The following ZBTB20 variants were observed in gnomAD, a reference collection of about 807,000 sequenced individuals.
ZBTB20 encodes the protein zinc finger and BTB domain containing 20.
In ZBTB20, 9 loss-of-function variants were observed where a neutral mutation model predicts 56.9. The observed-to-expected ratio is 0.16, with a 90% CI of 0.10 to 0.28. The LOEUF (loss-of-function observed/expected upper bound fraction) is 0.28, where lower values mean the gene tolerates loss of function less well. Among genes scored for constraint, ZBTB20 ranks in the 10% least tolerant of loss-of-function variants. The pLI, the probability that ZBTB20 is intolerant of heterozygous loss-of-function variation, is 1.00. For missense variants in ZBTB20, 655 were observed against 1,003.0 expected (o/e 0.65, Z 4.69); for synonymous variants, 417 against 420.7 (o/e 0.99, Z 0.11).
At chr3:114,873,198 T>A (rs907538042) in intron 4 of ZBTB20, 1 of 152,080 alleles carries the variant, frequency 6.6e-6, no homozygotes, top group Non-Finnish European at 1.5e-5. Context: ...CGAGGCCAGG[T>A]ATCTTGTCTC....
intron 1 of ZBTB20, among the ~76,000 whole-genome samples, chr3:115,128,742 AAGGGG>A (rs1160961641): frequency 2.9e-5 from 2 of 68,700 alleles, no homozygotes; most frequent in South Asian, 5.7e-4. Context: ...GAGGGGAGGG[AAGGGG>A]AGGGGAGGGG....
chr3:114,540,994 C>G (rs1424575316), intron 6 of ZBTB20, among the ~76,000 whole-genome samples: 1 of 151,932 alleles, frequency 6.6e-6, no homozygotes, highest in Non-Finnish European at 1.5e-5. Flanking sequence ...TCCTGAGATT[C>G]TTGTTACCTG....
intron 3 of ZBTB20, among the ~76,000 whole-genome samples, chr3:114,905,118 C>G (rs959138238): frequency 1.3e-5 from 2 of 151,780 alleles, no homozygotes; most frequent in Admixed American, 1.3e-4. Flanking sequence ...TCCTATAATC[C>G]ACACTTCACA....
chr3:114,882,094 A>C (rs2076420895), intron 4 of ZBTB20, among the ~76,000 whole-genome samples: 1 of 151,970 alleles, frequency 6.6e-6, no homozygotes, highest in Admixed American at 6.5e-5. Flanking sequence ...CAAAGAGGCT[A>C]TACAAACCAA....
intron 6 of ZBTB20, among the ~76,000 whole-genome samples, chr3:114,521,535 T>C (rs1172263293): frequency 6.6e-6 from 1 of 152,192 alleles, no homozygotes; most frequent in Non-Finnish European, 1.5e-5. Context: ...GTTTTTCACA[T>C]TTCTACCTCT....
At chr3:115,086,655 G>C (rs968953935) in intron 1 of ZBTB20, among the ~76,000 whole-genome samples, 1 of 151,790 alleles carries the variant, frequency 6.6e-6, no homozygotes, top group Non-Finnish European at 1.5e-5. Context: ...CAGGCTATGG[G>C]TGTGTTTATA....
intron 5 of ZBTB20, among the ~76,000 whole-genome samples, chr3:114,770,491 C>A (rs1471656010): frequency 6.6e-6 from 1 of 151,440 alleles, no homozygotes; most frequent in Non-Finnish European, 1.5e-5. Flanking sequence ...CAAATACCAC[C>A]TGTACCCCAA....
At chr3:114,638,965 G>A (rs1055408072) in intron 6 of ZBTB20, among the ~76,000 whole-genome samples, 1 of 152,004 alleles carries the variant, frequency 6.6e-6, no homozygotes, top group Admixed American at 6.6e-5. Context: ...AGGAACCAGC[G>A]TTTGTCAAAT....
At chr3:114,344,391 A>G (rs1472550403) in intron 11 of ZBTB20, among the ~76,000 whole-genome samples, 1 of 152,212 alleles carries the variant, frequency 6.6e-6, no homozygotes, top group African/African-American at 2.4e-5. Context: ...GTAGCACCTG[A>G]GAGTATAATA....
rs1451414473 is a variant in ZBTB20, at chr3:114,868,429, C to T, written c.-417+31875G>A. On this transcript the variant is annotated intron_variant, in intron 4 of 11. Coordinates refer to ENST00000675478, the MANE Select transcript of ZBTB20 (RefSeq NM_001348800.3). ...CCTGTGTAACTGGAGGTTCATGTAG[C>T]ACACTGATTTTACCCAAAGCATCAA... 2.0e-5 allele frequency among the ~76,000 whole-genome samples: 3 copies of T among 152,264 alleles called. No individual in the cohort carries two copies. The East Asian group carries it at 5.8e-4, about 29-fold the overall frequency.
intron 6 of ZBTB20, among the ~76,000 whole-genome samples, chr3:114,565,881 C>A (rs2052664224): frequency 6.6e-6 from 1 of 152,152 alleles, no homozygotes; most frequent in Admixed American, 6.6e-5. Flanking sequence ...GTAAGGGAAA[C>A]ACCTGCCCTC....
chr3:114,586,110 G>A (rs569796044), intron 6 of ZBTB20, among the ~76,000 whole-genome samples: 2 of 152,322 alleles, frequency 1.3e-5, no homozygotes, highest in Admixed American at 6.5e-5. Flanking sequence ...CAAGCACTTA[G>A]AGGATTTCTG....
Position 114,838,960 on chromosome 3 carries a change from G to A in ZBTB20, c.-416-37786C>T, listed in dbSNP as rs2074248194. On this transcript the variant is annotated intron_variant, in intron 4 of 11. Transcript: ENST00000675478. ...ATTTAAAGAAGCCATTCCAAAAGCA[G>A]GAACAGCACCCCTATAAGATGTTAT... 2.0e-5 allele frequency among the ~76,000 whole-genome samples: 3 copies of A among 152,020 alleles called. No homozygotes were observed. In the South Asian group the frequency reaches 6.2e-4, roughly 32 times the overall value.
At chr3:114,366,190 T>C (rs990860226) in intron 10 of ZBTB20, among the ~76,000 whole-genome samples, 8 of 152,352 alleles carry the variant, frequency 5.3e-5, no homozygotes, top group Admixed American at 5.2e-4. Flanking sequence ...AGTACGCTGC[T>C]AGAATTTTAC....
At chr3:114,484,083 G>A (rs534847879) in intron 7 of ZBTB20, among the ~76,000 whole-genome samples, 1 of 152,274 alleles carries the variant, frequency 6.6e-6, no homozygotes, top group East Asian at 1.9e-4. Flanking sequence ...ATGTGAGGAC[G>A]TTGCAGCCTT....
Position 114,942,762 on chromosome 3 carries a change from T to C in ZBTB20, c.-456+31604A>G, listed in dbSNP as rs1246398125. ...TAAGCCCTATGTTGTTTATTACTTTTCAAATTCAAGGCATTTGCTGTTTCC... is the reference window on the plus strand; with the variant it reads ...TAAGCCCTATGTTGTTTATTACTTTCCAAATTCAAGGCATTTGCTGTTTCC... On this transcript the variant is annotated intron_variant, in intron 3 of 11. Coordinates refer to ENST00000675478, the MANE Select transcript of ZBTB20 (RefSeq NM_001348800.3). 3.4e-5 allele frequency among the ~76,000 whole-genome samples: 5 copies of C among 145,922 alleles called. 2 individuals are homozygous for C. Among genetic ancestry groups the C allele is most frequent in the African/African-American group, 1.4e-4 (5 of 35,872 alleles).
chr3:114,685,109 A>T (rs1488590779), intron 6 of ZBTB20, among the ~76,000 whole-genome samples: 1 of 151,902 alleles, frequency 6.6e-6, no homozygotes, highest in African/African-American at 2.4e-5. Flanking sequence ...TCATTTCCTA[A>T]CAACCCCCAT....
chr3:115,078,065 C>T (rs939532129), intron 1 of ZBTB20, among the ~76,000 whole-genome samples: 10 of 152,102 alleles, frequency 6.6e-5, no homozygotes, highest in Non-Finnish European at 1.3e-4. Context: ...AGTGAAATAA[C>T]TAGTGAGTTT....
At chr3:114,797,411 C>T (rs149525921) in intron 5 of ZBTB20, among the ~76,000 whole-genome samples, 1,752 of 151,768 alleles carry the variant, frequency 0.012, 16 homozygotes, top group South Asian at 0.041. Context: ...TCAATGTTCT[C>T]CTGACTTTCA....
Sources: allele counts gnomAD v4.1 joint callset (sites outside exome capture counted in the v4.1 genomes callset), GRCh38; gene constraint gnomAD v4.1.1; transcripts MANE v1.5; gene names NCBI Gene and HGNC (gene_info 2026-07-23, HGNC 2026-07-21).